The following STX5 variants were observed in gnomAD, a reference collection of about 807,000 sequenced individuals.
STX5 encodes syntaxin 5, also known as syntaxin-5.
A neutral mutation model predicts 42.9 loss-of-function variants in STX5; 15 were observed. The observed-to-expected ratio is 0.35, with a 90% confidence interval of 0.23 to 0.54. The LOEUF is 0.54. Ranked by LOEUF, STX5 falls within the 20% of genes least tolerant of loss-of-function variation. STX5 has a pLI of 0.91. For synonymous variants in STX5, 184 were observed against 173.2 expected, an observed-to-expected ratio of 1.06 and a Z score of -0.49; for missense variants, 430 against 455.0, an observed-to-expected ratio of 0.95 and a Z score of 0.50.
Position 62,824,530 on chromosome 11 carries a change from C to T in STX5, c.715G>A (p.Ala239Thr). The T allele has an allele frequency of 1.9e-6, 3 of 1,614,194 alleles. No homozygotes were observed. Among genetic ancestry groups the T allele is most frequent in the Non-Finnish European group, 2.5e-6 (3 of 1,180,018 alleles). The change falls in exon 9 of 11, where the codon GCC becomes ACC. Residue 239 changes from alanine to threonine, a missense_variant. By Grantham distance (58) the Ala-to-Thr change is moderately conservative. Coordinates refer to ENST00000294179, the MANE Select transcript of STX5 (RefSeq NM_003164.5). The stretch of plus-strand genomic sequence containing the variant: ...ATGTCGATGGCGACATCCTTGGAGG[C>T]ATGGGACTCTGCCCCCAGAACCACA... ...GAVVLGAESHASKDVAIDMMD... is the reference protein window; with the variant it reads ...GAVVLGAESHTSKDVAIDMMD...
At position 62,832,013 on chromosome 11, in the gene STX5, TCC is replaced by T. The variant is rs1565218748; in HGVS notation, c.-81_-80del. The T allele has an allele frequency of 2.1e-6, 1 of 471,960 alleles. No individual in the cohort carries two copies. The highest frequency in any genetic ancestry group is 6.5e-5 in the East Asian group (1 of 15,300). 29.2% of individuals were successfully genotyped at this position (471,960 alleles called of 1,614,324 possible). A position where few individuals can be genotyped will look rare whatever the true frequency, so the allele number is the denominator to read the frequency against. The stretch of plus-strand genomic sequence containing the variant: ...AATCTCACCGGCCGTCACTGCCTCC[TCC>T]CCGAGCACTGAAGCCGCCGAAACCC... On this transcript the variant is annotated 5_prime_UTR_variant, in exon 1 of 11. Coordinates refer to ENST00000294179, the MANE Select transcript of STX5 (RefSeq NM_003164.5).
At chr11:62,817,139 G>C (rs879669971) in intron 10 of STX5, among the ~76,000 whole-genome samples, 26 of 151,834 alleles carry the variant, frequency 1.7e-4, no homozygotes, top group Admixed American at 5.9e-4. Flanking sequence ...TGTTGCCCAG[G>C]GTGGTCTTGA....
At chr11:62,820,174 T>G (rs2134834658) in intron 10 of STX5, among the ~76,000 whole-genome samples, 1 of 150,894 alleles carries the variant, frequency 6.6e-6, no homozygotes, top group South Asian at 2.1e-4. Context: ...ATCGAGACCA[T>G]CCTGGCTAAC....
chr11:62,817,853 A>T (rs1479347564), intron 10 of STX5, among the ~76,000 whole-genome samples: 1 of 152,220 alleles, frequency 6.6e-6, no homozygotes, highest in Non-Finnish European at 1.5e-5. Context: ...TTATTATATA[A>T]GACATGTACC....
chr11:62,811,086 A>C (rs2084612144), intron 10 of STX5, among the ~76,000 whole-genome samples: 1 of 151,384 alleles, frequency 6.6e-6, no homozygotes, highest in South Asian at 2.1e-4. Flanking sequence ...ATCTTCCTCA[A>C]CCTTCCTCCT....
intron 10 of STX5, among the ~76,000 whole-genome samples, chr11:62,820,520 CT>C (rs374794905): frequency 1.6e-3 from 231 of 140,542 alleles, no homozygotes; most frequent in Admixed American, 1.8e-3. Context: ...TTTTCTTTTT[CT>C]TTTTTTTTTT....
chr11:62,813,455 G>T (rs947226568), intron 10 of STX5, among the ~76,000 whole-genome samples: 1 of 152,104 alleles, frequency 6.6e-6, no homozygotes, highest in African/African-American at 2.4e-5. Flanking sequence ...TTGTAAAAAT[G>T]AAGCTCCCTG....
At chr11:62,808,348 C>T (rs2084576208) in intron 10 of STX5, among the ~76,000 whole-genome samples, 1 of 151,706 alleles carries the variant, frequency 6.6e-6, no homozygotes, top group South Asian at 2.1e-4. Flanking sequence ...ATAGCTTGAA[C>T]CCAGGAGGTT....
chr11:62,830,737 T>G (rs146304166), intron 2 of STX5, among the ~76,000 whole-genome samples: 2 of 152,208 alleles, frequency 1.3e-5, no homozygotes, highest in African/African-American at 4.8e-5. Flanking sequence ...TGTTCCTTAT[T>G]CACACCAATT....
chr11:62,826,123 G>A (rs7131126), intron 5 of STX5, among the ~76,000 whole-genome samples: 10,811 of 152,090 alleles, frequency 0.071, 424 homozygotes, highest in East Asian at 0.15. Context: ...GTGTGGTGGC[G>A]CGCGCCTATA....
At chr11:62,811,766 G>A (rs524034) in intron 10 of STX5, among the ~76,000 whole-genome samples, 1 of 150,330 alleles carries the variant, frequency 6.7e-6, no homozygotes, top group Non-Finnish European at 1.5e-5. Context: ...GGATTACAGG[G>A]ATGAGCCACC....
intron 10 of STX5, among the ~76,000 whole-genome samples, chr11:62,819,143 C>T (rs1352222819): frequency 7.8e-6 from 1 of 127,742 alleles, no homozygotes; most frequent in Middle Eastern, 5.1e-3. Context: ...ATGGTGTGAA[C>T]CCAGGAGACA....
chr11:62,813,572 C>T (rs1466558087), intron 10 of STX5, among the ~76,000 whole-genome samples: 2 of 152,122 alleles, frequency 1.3e-5, no homozygotes, highest in African/African-American at 2.4e-5. Flanking sequence ...GTTCAGAAAC[C>T]GGCTTTATAC....
rs1485417063 is a variant in STX5 at position 62,831,936 on chromosome 11, T to C, written c.-20+18A>G. On this transcript the variant is annotated intron_variant, in intron 1 of 10. Coordinates refer to ENST00000294179, the MANE Select transcript of STX5 (RefSeq NM_003164.5). The stretch of plus-strand genomic sequence containing the variant: ...GAGCTGACACGGCGGCCAGATCCCC[T>C]CTTAAAGCGAATCTTACCTCCCCTC... The C allele has an allele frequency of 2.2e-6, 1 of 448,798 alleles. No homozygotes were observed. The highest frequency in any genetic ancestry group is 4.4e-6 in the Non-Finnish European group (1 of 226,196). The allele number at this position is 448,798 out of a possible 1,614,324, so 27.8% of individuals were successfully genotyped here.
At chr11:62,818,943 G>A (rs890582746) in intron 10 of STX5, among the ~76,000 whole-genome samples, 2 of 152,108 alleles carry the variant, frequency 1.3e-5, no homozygotes, top group Non-Finnish European at 2.9e-5. Context: ...GGTGAGGCCG[G>A]GTGCGGTGGC....
At chr11:62,813,981 C>T (rs1369659402) in intron 10 of STX5, among the ~76,000 whole-genome samples, 1 of 152,126 alleles carries the variant, frequency 6.6e-6, no homozygotes, top group Non-Finnish European at 1.5e-5. Flanking sequence ...TCCGTTGCAT[C>T]ATTTCCATTG....
chr11:62,827,296 C>G, intron 4 of STX5, 47 bp downstream of exon 4: 8 of 1,614,096 alleles, frequency 5.0e-6, no homozygotes, highest in Middle Eastern at 1.6e-4. Context: ...GTCCTCAACC[C>G]TCTTTGATTT....
intron 2 of STX5, among the ~76,000 whole-genome samples, chr11:62,829,908 T>TA (rs1425199480): frequency 6.6e-6 from 1 of 150,442 alleles, no homozygotes; most frequent in African/African-American, 2.5e-5. Flanking sequence ...TAAAAAAAAA[T>TA]ACAAAAATTA....
chr11:62,820,647 C>T (rs928773672), intron 10 of STX5, among the ~76,000 whole-genome samples: 3 of 151,016 alleles, frequency 2.0e-5, no homozygotes, highest in African/African-American at 4.9e-5. Context: ...CAAGCAGCTG[C>T]GCAGGTACCC....
Sources: allele counts gnomAD v4.1 joint callset (sites outside exome capture counted in the v4.1 genomes callset), GRCh38; gene constraint gnomAD v4.1.1; transcripts MANE v1.5; gene names NCBI Gene and HGNC (gene_info 2026-07-23, HGNC 2026-07-21).